Variants in IL1RAPL2 observed in about 807,000 individuals in gnomAD.
IL1RAPL2 encodes the protein interleukin 1 receptor accessory protein like 2, also known as X-linked interleukin-1 receptor accessory protein-like 2.
Under a neutral mutation model 44.1 loss-of-function variants are expected in IL1RAPL2, and 3 were observed. The observed-to-expected ratio is 0.07, with a 90% CI of 0.03 to 0.18. The LOEUF (loss-of-function observed/expected upper bound fraction) is 0.18, where lower values mean the gene tolerates loss of function less well. IL1RAPL2 is among the 10% of genes least tolerant of loss of function. The probability of loss-of-function intolerance (pLI) is 1.00; values close to 1 mark genes in which losing one functional copy is unlikely to be tolerated. For synonymous variants in IL1RAPL2, 181 were observed against 178.8 expected, an observed-to-expected ratio of 1.01 and a Z score of -0.10; for missense variants, 391 against 496.4, an observed-to-expected ratio of 0.79 and a Z score of 2.02.
At chrX:105,351,199 G>A (rs753452790) in intron 5 of IL1RAPL2, among the ~76,000 whole-genome samples, 1 of 111,726 alleles carries the variant, frequency 9.0e-6, no homozygotes, top group African/African-American at 3.3e-5. Context: ...TTCGAACATT[G>A]TGGAAGACAG....
chrX:104,908,000 A>G (rs1370139228), intron 2 of IL1RAPL2, among the ~76,000 whole-genome samples: 2 of 110,530 alleles, frequency 1.8e-5, no homozygotes, highest in Non-Finnish European at 3.8e-5. Flanking sequence ...TGTTGGGTGC[A>G]TATATATTTA....
chrX:105,256,984 T>C (rs781236102), intron 4 of IL1RAPL2, among the ~76,000 whole-genome samples: 3 of 111,727 alleles, frequency 2.7e-5, no homozygotes, highest in Non-Finnish European at 5.6e-5. Flanking sequence ...CTTCTGCTAG[T>C]GTTGGAGTTG....
intron 2 of IL1RAPL2, among the ~76,000 whole-genome samples, chrX:104,779,772 C>A (rs1421258605): frequency 9.0e-6 from 1 of 111,304 alleles, no homozygotes; most frequent in Non-Finnish European, 1.9e-5. Flanking sequence ...TGCTTCTAAC[C>A]CAACCATTTG....
intron 10 of IL1RAPL2, among the ~76,000 whole-genome samples, chrX:105,762,206 TTTC>T (rs2038693416): frequency 8.9e-6 from 1 of 112,292 alleles, no homozygotes; most frequent in Non-Finnish European, 1.9e-5. Context: ...TCTAATTCTA[TTTC>T]TCCTCTAAAT....
Position 105,243,563 on chromosome X carries a change from G to GTGTGTATATATATATATATA in IL1RAPL2, c.543+9581_543+9600dup, listed in dbSNP as rs1343883249. On this transcript the variant is annotated intron_variant, in intron 4 of 10. Coordinates refer to ENST00000372582, the MANE Select transcript of IL1RAPL2 (RefSeq NM_017416.2). ...TATATGTGTGTATATATATATATATGTGTGTATATATATATATATATGTGT... is the reference window on the plus strand; with the variant it reads ...TATATGTGTGTATATATATATATATGTGTGTATATATATATATATATGTGTATATATATATATATATGTGT... Among the ~76,000 whole-genome samples the GTGTGTATATATATATATATA allele has an allele frequency of 1.1e-4, 8 of 71,081 alleles. No individual in the cohort carries two copies. The African/African-American group carries it at 1.7e-3, about 15-fold the overall frequency. The allele number at this position is 71,081 out of a possible 115,157, so 61.7% of individuals were successfully genotyped here.
intron 4 of IL1RAPL2, among the ~76,000 whole-genome samples, chrX:105,234,443 C>A: frequency 9.0e-6 from 1 of 111,528 alleles, no homozygotes; most frequent in East Asian, 2.8e-4. Flanking sequence ...GAGAAATGGG[C>A]CCAGTACAGG....
At chrX:105,617,684 C>A (rs2037387538) in intron 6 of IL1RAPL2, among the ~76,000 whole-genome samples, 1 of 111,652 alleles carries the variant, frequency 9.0e-6, no homozygotes, top group Non-Finnish European at 1.9e-5. Context: ...GGTTTGACCA[C>A]CCTCTCAAAT....
chrX:105,128,650 A>G (rs1208605674), intron 2 of IL1RAPL2, among the ~76,000 whole-genome samples: 2 of 110,887 alleles, frequency 1.8e-5, no homozygotes, highest in Admixed American at 1.9e-4. Context: ...AATATTATTG[A>G]CCCACCGTGT....
intron 1 of IL1RAPL2, among the ~76,000 whole-genome samples, chrX:104,632,751 A>G (rs1426565021): frequency 1.3e-4 from 14 of 107,935 alleles, no homozygotes; most frequent in East Asian, 5.9e-4. Flanking sequence ...GGCTGAGACG[A>G]TGGGGTTTTC....
At chrX:105,223,401 T>C (rs1556184874) in intron 3 of IL1RAPL2, among the ~76,000 whole-genome samples, 1 of 111,218 alleles carries the variant, frequency 9.0e-6, no homozygotes, top group African/African-American at 3.3e-5. Flanking sequence ...CTACCATTGG[T>C]GATTTTATAG....
chrX:105,006,947 G>A (rs1325305810), intron 2 of IL1RAPL2, among the ~76,000 whole-genome samples: 1 of 111,277 alleles, frequency 9.0e-6, no homozygotes, highest in African/African-American at 3.3e-5. Flanking sequence ...GGTCAATTGT[G>A]AGAACAATCA....
intron 2 of IL1RAPL2, among the ~76,000 whole-genome samples, chrX:104,899,509 C>T (rs765109589): frequency 5.4e-5 from 6 of 111,817 alleles, no homozygotes; most frequent in African/African-American, 1.9e-4. Flanking sequence ...GTACTTGGTT[C>T]TTTCTGTGTT....
In IL1RAPL2 at chrX:105,448,660, C is replaced by T. The variant is rs187978066; in HGVS notation, c.698-35653C>T. ...GATTACAGGTGTGAGCCTTCATGCC[C>T]GGCCTAAGGTCAATAACTCTTATAT... On this transcript the variant is annotated intron_variant, in intron 5 of 10. Transcript: ENST00000372582. Among the ~76,000 whole-genome samples, 9 of 111,318 alleles carry T rather than the reference C, an allele frequency of 8.1e-5. No individual in the cohort carries two copies. In the East Asian group the frequency reaches 2.0e-3, roughly 25 times the overall value.
intron 3 of IL1RAPL2, among the ~76,000 whole-genome samples, chrX:105,196,207 G>A (rs187359988): frequency 9.0e-6 from 1 of 110,914 alleles, no homozygotes; most frequent in African/African-American, 3.3e-5. Context: ...GCTTGAACCT[G>A]GGAGGCAGAG....
intron 2 of IL1RAPL2, among the ~76,000 whole-genome samples, chrX:104,823,360 T>G (rs1465003614): frequency 1.8e-5 from 2 of 111,278 alleles, no homozygotes; most frequent in Non-Finnish European, 3.8e-5. Context: ...TTTGGTTTTT[T>G]GTTCTTGTGA....
chrX:104,879,447 G>A (rs376033788), intron 2 of IL1RAPL2, among the ~76,000 whole-genome samples: 4 of 106,393 alleles, frequency 3.8e-5, no homozygotes, highest in African/African-American at 1.4e-4. Flanking sequence ...GCATTTTCTT[G>A]CAATATTAAT....
chrX:105,757,799 T>C (rs1337306398), intron 10 of IL1RAPL2, among the ~76,000 whole-genome samples: 1 of 111,799 alleles, frequency 8.9e-6, no homozygotes, highest in Non-Finnish European at 1.9e-5. Flanking sequence ...CAGAGGCTCT[T>C]AAAAAGGCCC....
At chrX:105,646,009 T>C (rs1211615460) in intron 6 of IL1RAPL2, among the ~76,000 whole-genome samples, 2 of 111,294 alleles carry the variant, frequency 1.8e-5, no homozygotes, top group African/African-American at 6.6e-5. Flanking sequence ...CAGATTTTTT[T>C]TCCTATCATG....
chrX:105,259,248 G>A (rs2034338414), intron 4 of IL1RAPL2, among the ~76,000 whole-genome samples: 1 of 111,544 alleles, frequency 9.0e-6, no homozygotes. Flanking sequence ...TGGCACATAG[G>A]CTTATTGGTC....
Sources: gnomAD v4.1 joint callset for allele counts (sites outside exome capture counted in the v4.1 genomes callset) on GRCh38, gnomAD v4.1.1 for gene constraint, MANE v1.5 for transcripts, NCBI Gene and HGNC (gene_info 2026-07-23, HGNC 2026-07-21) for gene names.